PTPRQ: variants seen among roughly 807,000 people sequenced by gnomAD.
PTPRQ encodes the protein phosphatidylinositol phosphatase PTPRQ.
PTPRQ carries 199 observed loss-of-function variants against 246.0 expected under a neutral mutation model. The observed-to-expected ratio is 0.81, with a 90% CI of 0.72 to 0.91. The LOEUF is 0.91. PTPRQ is among the 40% of genes least tolerant of loss of function. The probability of loss-of-function intolerance (pLI) is 0.00; values close to 1 mark genes in which losing one functional copy is unlikely to be tolerated. For synonymous variants in PTPRQ, 869 were observed against 853.2 expected (o/e 1.02, Z -0.32); for missense variants, 2,624 against 2,528.4 (o/e 1.04, Z -0.81).
At chr12:80,609,660 AT>A (rs1345931333) in intron 27 of PTPRQ, among the ~76,000 whole-genome samples, 1 of 150,618 alleles carries the variant, frequency 6.6e-6, no homozygotes, top group East Asian at 1.9e-4. Context: ...CACATTAATA[AT>A]TATGACATCC....
At chr12:80,588,733 G>T (rs141973679) in intron 26 of PTPRQ, among the ~76,000 whole-genome samples, 3 of 152,110 alleles carry the variant, frequency 2.0e-5, no homozygotes, top group Non-Finnish European at 2.9e-5. Context: ...ACTCTGATGC[G>T]CTACCATTAA....
At chr12:80,583,854 A>C (rs1412537697) in intron 25 of PTPRQ, 1 of 152,196 alleles carries the variant, frequency 6.6e-6, no homozygotes, top group Non-Finnish European at 1.5e-5. Flanking sequence ...TTGTGGTAGA[A>C]TTTAGTTCCT....
intron 17 of PTPRQ, among the ~76,000 whole-genome samples, chr12:80,516,697 T>C (rs1210650546): frequency 6.6e-6 from 1 of 152,234 alleles, no homozygotes; most frequent in Non-Finnish European, 1.5e-5. Context: ...CTCCAAGTTT[T>C]CTAAAAGATT....
Position 80,636,599 on chromosome 12 carries a change from C to A in PTPRQ, c.5915+1526C>A, listed in dbSNP as rs993088815. Among the ~76,000 whole-genome samples, 11 of 152,000 alleles carry A rather than the reference C, an allele frequency of 7.2e-5. No homozygotes were observed. In the East Asian group the frequency reaches 2.1e-3, roughly 29 times the overall value. ...CTGAAAATGCACAAGGGAAAAAATT[C>A]AAATCTCTCAATGCAATTAATTTTA... On this transcript the variant is annotated intron_variant, in intron 35 of 44. Coordinates refer to ENST00000644991, the MANE Select transcript of PTPRQ (RefSeq NM_001145026.2).
chr12:80,476,174 T>C lies in PTPRQ; in HGVS notation c.1186+3923T>C, dbSNP rs75185824. ...CTGCATAAAAACTGCAAAATAAAAT[T>C]TTAAAAAGAGATGGAATAGGAGCTT... On this transcript the variant is annotated intron_variant, in intron 8 of 44. Transcript: ENST00000644991. Among the ~76,000 whole-genome samples the C allele has an allele frequency of 6.9e-3, 1,046 of 152,220 alleles. 13 individuals carry two copies. Among genetic ancestry groups the C allele is most frequent in the African/African-American group, 0.024 (993 of 41,564 alleles).
chr12:80,482,179 A>T (rs1894088776), intron 8 of PTPRQ, among the ~76,000 whole-genome samples: 1 of 151,426 alleles, frequency 6.6e-6, no homozygotes, highest in South Asian at 2.1e-4. Flanking sequence ...AAACAGAGAT[A>T]TAGATCAATG....
chr12:80,623,229 T>G (rs967419276), intron 33 of PTPRQ, among the ~76,000 whole-genome samples: 1 of 152,268 alleles, frequency 6.6e-6, no homozygotes, highest in East Asian at 1.9e-4. Flanking sequence ...ATGGAAATAC[T>G]AATTGTATAA....
intron 38 of PTPRQ, among the ~76,000 whole-genome samples, chr12:80,654,193 T>C (rs1398160506): frequency 2.6e-5 from 4 of 152,116 alleles, no homozygotes; most frequent in East Asian, 3.9e-4. Context: ...CCTCCTGGGT[T>C]CAAGCAATCT....
intron 39 of PTPRQ, among the ~76,000 whole-genome samples, chr12:80,664,903 C>T (rs73353366): frequency 0.17 from 25,794 of 151,932 alleles, 3,103 homozygotes; most frequent in African/African-American, 0.33. Context: ...CTTGAATTTA[C>T]TATCTCTTTC....
chr12:80,568,091 A>G (rs2120943595), intron 25 of PTPRQ, among the ~76,000 whole-genome samples: 1 of 152,298 alleles, frequency 6.6e-6, no homozygotes, highest in East Asian at 1.9e-4. Context: ...TAGAAACTGA[A>G]TTTGTGCAAA....
intron 25 of PTPRQ, among the ~76,000 whole-genome samples, chr12:80,580,799 G>T (rs7296252): frequency 0.01 from 1,597 of 152,234 alleles, 16 homozygotes; most frequent in Non-Finnish European, 0.017. Context: ...AAACACTTAT[G>T]AGTGCCAGTA....
rs567272642 is a variant in PTPRQ at position 80,460,586 on chromosome 12, G to C, written c.661-67G>C. 90 of 397,752 alleles carry C rather than the reference G, an allele frequency of 2.3e-4. No homozygotes were observed. The East Asian group carries it at 2.7e-3, about 12-fold the overall frequency. The allele number at this position is 397,752 out of a possible 1,614,324, so 24.6% of individuals were successfully genotyped here. On this transcript the variant is annotated intron_variant, in intron 5 of 44. Coordinates refer to ENST00000644991, the MANE Select transcript of PTPRQ (RefSeq NM_001145026.2). Reference sequence around the variant, plus strand: ...TAAAAGAAAAAGAAATGAATTACATGTTCTTATTCTTATGTTCACCAAGAG... The same window carrying C: ...TAAAAGAAAAAGAAATGAATTACATCTTCTTATTCTTATGTTCACCAAGAG...
chr12:80,496,959 G>C (rs944701027), intron 14 of PTPRQ, among the ~76,000 whole-genome samples: 14 of 151,878 alleles, frequency 9.2e-5, no homozygotes, highest in African/African-American at 3.4e-4. Flanking sequence ...AAGACTTATG[G>C]AGGAGACAGC....
At chr12:80,501,942 C>CAA (rs10679738) in intron 14 of PTPRQ, among the ~76,000 whole-genome samples, 6,746 of 147,890 alleles carry the variant, frequency 0.046, 171 homozygotes, top group Middle Eastern at 0.099. Flanking sequence ...GTATGATAGG[C>CAA]AAAAAAAAAT....
intron 25 of PTPRQ, among the ~76,000 whole-genome samples, chr12:80,561,927 T>C (rs1478729804): frequency 6.6e-6 from 1 of 152,220 alleles, no homozygotes; most frequent in Admixed American, 6.5e-5. Context: ...TTCCTCTTTA[T>C]CGAGTTGAGG....
At chr12:80,603,866 T>C (rs1432433253) in intron 26 of PTPRQ, among the ~76,000 whole-genome samples, 1 of 151,666 alleles carries the variant, frequency 6.6e-6, no homozygotes, top group Non-Finnish European at 1.5e-5. Flanking sequence ...TATATGTTAT[T>C]TATTTCTATT....
intron 26 of PTPRQ, among the ~76,000 whole-genome samples, chr12:80,595,436 T>C (rs1897937633): frequency 6.6e-6 from 1 of 152,130 alleles, no homozygotes. Context: ...CTGATATTTT[T>C]TAATTTTTTT....
At chr12:80,655,637 C>T (rs1157765439) in intron 38 of PTPRQ, among the ~76,000 whole-genome samples, 1 of 151,856 alleles carries the variant, frequency 6.6e-6, no homozygotes, top group East Asian at 1.9e-4. Context: ...CTCTCACACA[C>T]ATGTACACAC....
chr12:80,593,179 A>G (rs1321020641), intron 26 of PTPRQ, among the ~76,000 whole-genome samples: 1 of 152,196 alleles, frequency 6.6e-6, no homozygotes, highest in Non-Finnish European at 1.5e-5. Flanking sequence ...AGCACTTACT[A>G]ATATAACATC....
Sources: allele counts gnomAD v4.1 joint callset (sites outside exome capture counted in the v4.1 genomes callset), GRCh38; gene constraint gnomAD v4.1.1; transcripts MANE v1.5; gene names NCBI Gene and HGNC (gene_info 2026-07-23, HGNC 2026-07-21).